The following MCCC1 variants were observed in gnomAD, a reference collection of about 807,000 sequenced individuals.
MCCC1 encodes methylcrotonoyl-CoA carboxylase subunit alpha, mitochondrial.
In MCCC1, 64 loss-of-function variants were observed where a neutral mutation model predicts 83.8. That is an observed-to-expected ratio of 0.76 (90% confidence interval 0.62 to 0.94). The LOEUF is 0.94. Among genes scored for constraint, MCCC1 ranks in the 40% least tolerant of loss-of-function variants. The probability of loss-of-function intolerance (pLI) is 0.00; values close to 1 mark genes in which losing one functional copy is unlikely to be tolerated. For missense variants in MCCC1, 807 were observed against 904.7 expected, an observed-to-expected ratio of 0.89 and a Z score of 1.39; for synonymous variants, 322 against 315.4, an observed-to-expected ratio of 1.02 and a Z score of -0.22.
chr3:183,094,595 A>T lies in MCCC1; in HGVS notation c.100T>A (p.Trp34Arg). The T allele has an allele frequency of 6.2e-7, 1 of 1,614,064 alleles. No homozygotes were observed. The highest frequency in any genetic ancestry group is 8.5e-7 in the Non-Finnish European group (1 of 1,179,906). The change falls in exon 2 of 19, where the codon TGG (tryptophan) becomes AGG (arginine). Residue 34 changes from tryptophan to arginine, a missense_variant. Coordinates refer to ENST00000265594, the MANE Select transcript of MCCC1 (RefSeq NM_020166.5). ...SLLLPPRTWVWRQRTMKYTTA... is the reference protein window; with the variant it reads ...SLLLPPRTWVRRQRTMKYTTA... Reference sequence around the variant, plus strand: ...GTGTACTTCATGGTTCTTTGCCTCCACACCCATGTCCTATAACATAAATCC... The same window carrying T: ...GTGTACTTCATGGTTCTTTGCCTCCTCACCCATGTCCTATAACATAAATCC...
chr3:183,036,919 C>T (rs188276198), intron 13 of MCCC1, among the ~76,000 whole-genome samples: 3 of 152,186 alleles, frequency 2.0e-5, no homozygotes, highest in South Asian at 2.1e-4. Context: ...ATGATCCAGC[C>T]GCCCTGGCCT....
intron 4 of MCCC1, among the ~76,000 whole-genome samples, chr3:183,084,358 C>T (rs1166692785): frequency 6.6e-6 from 1 of 152,128 alleles, no homozygotes; most frequent in Non-Finnish European, 1.5e-5. Context: ...GGCATTTATG[C>T]TTAAATACAT....
chr3:183,111,140 GGCAAACT>G (rs1306512553), intron 1 of MCCC1, among the ~76,000 whole-genome samples: 1 of 152,172 alleles, frequency 6.6e-6, no homozygotes, highest in Non-Finnish European at 1.5e-5. Context: ...TCCTGGAACA[GGCAAACT>G]CAGGACAGGA....
chr3:183,099,644 T>C (rs1719022766), upstream of MCCC1: 2 of 651,792 alleles, frequency 3.1e-6, no homozygotes, highest in Admixed American at 2.7e-5. Flanking sequence ...GTAGCGACGA[T>C]TGGGCAGTCT....
At chr3:183,065,449 T>G (rs1577320136) in intron 7 of MCCC1, among the ~76,000 whole-genome samples, 2 of 152,358 alleles carry the variant, frequency 1.3e-5, no homozygotes, top group East Asian at 3.9e-4. Context: ...ATATCAAATA[T>G]TTTGTCGGAA....
rs529432845 is a variant in MCCC1, at chr3:183,068,296, A to G, written c.761+2703T>C. ...TACAGGTCATACGGACCTTGCAGAT[A>G]AAACAGGTTGCAGTAAAGACGTTGG... On this transcript the variant is annotated intron_variant, in intron 7 of 18. Coordinates refer to ENST00000265594, the MANE Select transcript of MCCC1 (RefSeq NM_020166.5). Among the ~76,000 whole-genome samples, 3 of 152,332 alleles carry G rather than the reference A, an allele frequency of 2.0e-5. No homozygotes were observed. In the South Asian group the frequency reaches 6.2e-4, roughly 32 times the overall value.
chr3:183,070,868 C>G lies in MCCC1; in HGVS notation c.761+131G>C, dbSNP rs963256041. 7 of 1,114,894 alleles carry G rather than the reference C, an allele frequency of 6.3e-6. No individual in the cohort carries two copies. The African/African-American group carries it at 9.5e-5, about 15-fold the overall frequency. 69.1% of individuals were successfully genotyped at this position (1,114,894 alleles called of 1,614,324 possible). On this transcript the variant is annotated intron_variant, in intron 7 of 18. Transcript: ENST00000265594. Reference sequence around the variant, plus strand: ...CATCCTACAATCAGTGGTTACATCACAGGACAGAACTGGGAAACTTGTAAT... The same window carrying G: ...CATCCTACAATCAGTGGTTACATCAGAGGACAGAACTGGGAAACTTGTAAT...
intron 3 of MCCC1, among the ~76,000 whole-genome samples, chr3:183,088,551 C>T (rs1247050538): frequency 1.3e-5 from 2 of 152,274 alleles, no homozygotes; most frequent in Middle Eastern, 3.4e-3. Flanking sequence ...TATTCTCATT[C>T]TAAAGAAAGT....
At chr3:183,088,673 T>A (rs1325716100) in intron 3 of MCCC1, among the ~76,000 whole-genome samples, 1 of 152,238 alleles carries the variant, frequency 6.6e-6, no homozygotes, top group Non-Finnish European at 1.5e-5. Flanking sequence ...ATATCCATAT[T>A]CCTAACTAGT....
upstream of MCCC1, among the ~76,000 whole-genome samples, chr3:183,102,646 C>A (rs1246177888): frequency 2.0e-5 from 3 of 150,626 alleles, no homozygotes; most frequent in Non-Finnish European, 2.9e-5. Context: ...TGGATCCCTG[C>A]TTACTTCTTA....
chr3:183,027,109 C>T (rs1463494357), intron 14 of MCCC1, among the ~76,000 whole-genome samples: 3 of 152,108 alleles, frequency 2.0e-5, no homozygotes, highest in South Asian at 4.1e-4. Context: ...CAGTCATCTG[C>T]GATCTCTGAT....
chr3:183,032,326 C>G (rs950039288), intron 14 of MCCC1, among the ~76,000 whole-genome samples: 3 of 152,108 alleles, frequency 2.0e-5, no homozygotes, highest in Non-Finnish European at 4.4e-5. Context: ...GAAACTTTAC[C>G]GCTTTTGATA....
chr3:183,042,315 G>A (rs1236540571), intron 10 of MCCC1, among the ~76,000 whole-genome samples: 3 of 152,166 alleles, frequency 2.0e-5, no homozygotes, highest in Non-Finnish European at 4.4e-5. Context: ...TACAAACAGG[G>A]TGATCACTAT....
intron 9 of MCCC1, among the ~76,000 whole-genome samples, chr3:183,050,359 A>T (rs963938219): frequency 2.0e-5 from 3 of 152,150 alleles, no homozygotes; most frequent in Non-Finnish European, 2.9e-5. Flanking sequence ...CATGATCTAC[A>T]AATAATTTAT....
At chr3:183,065,153 C>T (rs904164523) in intron 7 of MCCC1, among the ~76,000 whole-genome samples, 1 of 152,106 alleles carries the variant, frequency 6.6e-6, no homozygotes, top group African/African-American at 2.4e-5. Flanking sequence ...ACACCATAAG[C>T]CCACTGTTTA....
chr3:183,068,430 A>T (rs1716412618), intron 7 of MCCC1, among the ~76,000 whole-genome samples: 1 of 152,186 alleles, frequency 6.6e-6, no homozygotes, highest in African/African-American at 2.4e-5. Context: ...CAACGTCAGG[A>T]AGTTACCCTA....
At chr3:183,068,625 G>A (rs1315312087) in intron 7 of MCCC1, among the ~76,000 whole-genome samples, 1 of 152,144 alleles carries the variant, frequency 6.6e-6, no homozygotes, top group Non-Finnish European at 1.5e-5. Context: ...TAGAAATACA[G>A]AATAGAAATA....
intron 3 of MCCC1, among the ~76,000 whole-genome samples, chr3:183,089,682 A>G (rs974875421): frequency 1.3e-5 from 2 of 152,206 alleles, no homozygotes; most frequent in African/African-American, 4.8e-5. Context: ...GTGGAAAGAA[A>G]TGTTTGGGAA....
intron 7 of MCCC1, among the ~76,000 whole-genome samples, chr3:183,058,011 G>A (rs1715549992): frequency 6.6e-6 from 1 of 152,130 alleles, no homozygotes; most frequent in Non-Finnish European, 1.5e-5. Flanking sequence ...ATGAATGAAT[G>A]AATGAATAAA....
Sources: allele counts gnomAD v4.1 joint callset (sites outside exome capture counted in the v4.1 genomes callset), GRCh38; gene constraint gnomAD v4.1.1; transcripts MANE v1.5; gene names NCBI Gene and HGNC (gene_info 2026-07-23, HGNC 2026-07-21).